ELF2: variants seen among roughly 807,000 people sequenced by gnomAD.
ELF2 encodes ETS-related transcription factor Elf-2.
A neutral mutation model predicts 54.8 loss-of-function variants in ELF2; 11 were observed. The observed-to-expected ratio is 0.20, with a 90% CI of 0.13 to 0.33. ELF2 has a LOEUF of 0.33. Ranked by LOEUF, ELF2 falls within the 10% of genes least tolerant of loss-of-function variation. The pLI is 1.00. For missense variants in ELF2, 513 were observed against 703.0 expected, an observed-to-expected ratio of 0.73 and a Z score of 3.06; for synonymous variants, 203 against 245.1, an observed-to-expected ratio of 0.83 and a Z score of 1.61.
intron 4 of ELF2, among the ~76,000 whole-genome samples, chr4:139,085,826 C>T (rs950108306): frequency 1.3e-5 from 2 of 152,150 alleles, no homozygotes; most frequent in Non-Finnish European, 2.9e-5. Context: ...CCTAGCGACT[C>T]AAGTCTAAGG....
At chr4:139,148,868 G>C (rs1034215995) in intron 1 of ELF2, among the ~76,000 whole-genome samples, 13 of 152,126 alleles carry the variant, frequency 8.5e-5, no homozygotes, top group Non-Finnish European at 1.3e-4. Flanking sequence ...AAGATACCCA[G>C]TTCTTCATAT....
At position 139,160,113 on chromosome 4, in the gene ELF2, A is replaced by G. The variant is rs552137240; in HGVS notation, c.-252+16854T>C. On this transcript the variant is annotated intron_variant, in intron 1 of 9. Coordinates refer to ENST00000686138, the MANE Select transcript of ELF2 (RefSeq NM_001331036.3). Reference sequence around the variant, plus strand: ...AGCACTTTGGGAGGCCAAGGCGGGCAGATCACGAGGTCAGGAGATTGAGAC... The same window carrying G: ...AGCACTTTGGGAGGCCAAGGCGGGCGGATCACGAGGTCAGGAGATTGAGAC... 7.9e-5 allele frequency among the ~76,000 whole-genome samples: 12 copies of G among 152,230 alleles called. No homozygotes were observed. The South Asian group carries it at 2.5e-3, about 32-fold the overall frequency.
intron 4 of ELF2, among the ~76,000 whole-genome samples, chr4:139,120,489 G>A (rs1043967473): frequency 2.3e-4 from 35 of 152,064 alleles, no homozygotes; most frequent in Non-Finnish European, 4.1e-4. Flanking sequence ...GGGCTGGAGC[G>A]CAGTGGTACT....
intron 4 of ELF2, among the ~76,000 whole-genome samples, chr4:139,123,234 T>C: frequency 6.6e-6 from 1 of 152,168 alleles, no homozygotes; most frequent in South Asian, 2.1e-4. Context: ...CAATGAATTT[T>C]TGAGGTGCTT....
At chr4:139,108,957 G>A (rs534394049) in intron 4 of ELF2, among the ~76,000 whole-genome samples, 1 of 152,136 alleles carries the variant, frequency 6.6e-6, no homozygotes, top group East Asian at 1.9e-4. Context: ...TGCAATGATC[G>A]AATGAGGAGG....
At chr4:139,064,483 GT>G (rs1482527372) in intron 7 of ELF2, among the ~76,000 whole-genome samples, 3 of 152,196 alleles carry the variant, frequency 2.0e-5, no homozygotes, top group African/African-American at 7.2e-5. Context: ...AAGTACTGAT[GT>G]TTTGTCTCTG....
chr4:139,097,616 CAA>C (rs1261659857), intron 4 of ELF2, among the ~76,000 whole-genome samples: 14 of 74,152 alleles, frequency 1.9e-4, no homozygotes, highest in Admixed American at 3.1e-4. Flanking sequence ...GACTCTGTCT[CAA>C]AAAAAAAAAA....
Position 139,096,625 on chromosome 4 carries a change from CT to C in ELF2, c.239-23059del, listed in dbSNP as rs551057884. Among the ~76,000 whole-genome samples, 353 of 127,000 alleles carry C rather than the reference CT, an allele frequency of 2.8e-3. 1 individual carries two copies. The highest frequency in any genetic ancestry group is 4.2e-3 in the Middle Eastern group (1 of 240). The allele number at this position is 127,000 out of a possible 152,430, so 83.3% of individuals were successfully genotyped here. A position where few individuals can be genotyped will look rare whatever the true frequency, so the allele number is the denominator to read the frequency against. On this transcript the variant is annotated intron_variant, in intron 4 of 9. Coordinates refer to ENST00000686138, the MANE Select transcript of ELF2 (RefSeq NM_001331036.3). ...TACAGGTGTACACCACCATACCAAGCTTTTTTTTTTTTTTTTTTTAATTCTT... is the reference window on the plus strand; with the variant it reads ...TACAGGTGTACACCACCATACCAAGCTTTTTTTTTTTTTTTTTTAATTCTT...
Position 139,114,928 on chromosome 4 carries a change from C to T in ELF2, c.238+10236G>A, listed in dbSNP as rs1161908272. 15 of 1,613,018 alleles carry T rather than the reference C, an allele frequency of 9.3e-6. No homozygotes were observed. In the East Asian group the frequency reaches 2.2e-4, roughly 24 times the overall value. On this transcript the variant is annotated intron_variant, in intron 4 of 9. Coordinates refer to ENST00000686138, the MANE Select transcript of ELF2 (RefSeq NM_001331036.3). ...ACCACCGTTCTCCTGGGTCGGGGACCCTCACTTCTTCTGGGGTGTGCTCAG... is the reference window on the plus strand; with the variant it reads ...ACCACCGTTCTCCTGGGTCGGGGACTCTCACTTCTTCTGGGGTGTGCTCAG...
chr4:139,100,172 T>G (rs1733723584), intron 4 of ELF2, among the ~76,000 whole-genome samples: 1 of 152,252 alleles, frequency 6.6e-6, no homozygotes, highest in Non-Finnish European at 1.5e-5. Context: ...GGAAAAGTTA[T>G]TCGGCCTAGG....
chr4:139,131,659 G>A (rs1029814546), intron 3 of ELF2, among the ~76,000 whole-genome samples: 4 of 152,080 alleles, frequency 2.6e-5, no homozygotes, highest in Admixed American at 6.5e-5. Context: ...AGGCTTTAGG[G>A]AGGACTCATC....
At chr4:139,092,404 T>TAA (rs1553959647) in intron 4 of ELF2, among the ~76,000 whole-genome samples, 1 of 89,534 alleles carries the variant, frequency 1.1e-5, no homozygotes, top group Middle Eastern at 5.5e-3. Flanking sequence ...TAACATAACA[T>TAA]AACATAACAT....
At chr4:139,077,026 A>G (rs969075846) in intron 4 of ELF2, among the ~76,000 whole-genome samples, 9 of 152,162 alleles carry the variant, frequency 5.9e-5, no homozygotes, top group African/African-American at 1.9e-4. Context: ...TACTCTACGT[A>G]CAACTGACAA....
intron 4 of ELF2, among the ~76,000 whole-genome samples, chr4:139,100,844 G>A (rs72724726): frequency 7.9e-5 from 12 of 152,290 alleles, no homozygotes; most frequent in Non-Finnish European, 1.5e-4. Flanking sequence ...TGGCTACTAT[G>A]GTGAGCATAG....
intron 9 of ELF2, 106 bp from the exon 10 acceptor site, chr4:139,059,713 T>C: frequency 2.2e-6 from 3 of 1,362,234 alleles, no homozygotes; most frequent in Non-Finnish European, 3.0e-6. Flanking sequence ...AAATTAGTGC[T>C]CCCAAATTTT....
intron 3 of ELF2, among the ~76,000 whole-genome samples, chr4:139,132,860 ATATATATATATAT>A (rs1386976870): frequency 4.1e-5 from 6 of 145,934 alleles, no homozygotes; most frequent in Non-Finnish European, 9.0e-5. Flanking sequence ...ATATATATAT[ATATATATATATAT>A]AAAATATGTA....
intron 1 of ELF2, among the ~76,000 whole-genome samples, chr4:139,160,877 G>C (rs887149994): frequency 6.6e-6 from 1 of 152,130 alleles, no homozygotes; most frequent in Non-Finnish European, 1.5e-5. Flanking sequence ...ACAGAAGAAT[G>C]TCTTGAACCC....
At chr4:139,148,316 A>ATTTTTTTTTTTT (rs772079635) in intron 1 of ELF2, among the ~76,000 whole-genome samples, 2 of 64,532 alleles carry the variant, frequency 3.1e-5, no homozygotes, top group Non-Finnish European at 5.6e-5. Context: ...TACCTGGCTA[A>ATTTTTTTTTTTT]TTTTTTTTTT....
At chr4:139,075,295 T>C (rs1442264322) in intron 4 of ELF2, among the ~76,000 whole-genome samples, 2 of 152,334 alleles carry the variant, frequency 1.3e-5, no homozygotes, top group Admixed American at 6.5e-5. Flanking sequence ...ATCTCTCTCA[T>C]AGAGCAAGAA....
Sources: allele counts gnomAD v4.1 joint callset (sites outside exome capture counted in the v4.1 genomes callset), GRCh38; gene constraint gnomAD v4.1.1; transcripts MANE v1.5; gene names NCBI Gene and HGNC (gene_info 2026-07-23, HGNC 2026-07-21).